Variants in MAGI1 observed in about 807,000 individuals in gnomAD.
The protein encoded by MAGI1 is membrane-associated guanylate kinase, WW and PDZ domain-containing protein 1.
MAGI1 carries 58 observed loss-of-function variants against 139.9 expected under a neutral mutation model. That is an observed-to-expected ratio of 0.41 (90% CI 0.34 to 0.52). The LOEUF (loss-of-function observed/expected upper bound fraction) is 0.52. Ranked by LOEUF, MAGI1 falls within the 20% of genes least tolerant of loss-of-function variation. The pLI is 0.12. For missense variants in MAGI1, 1,874 were observed against 1,901.6 expected (o/e 0.99, Z 0.27); for synonymous variants, 812 against 737.9 (o/e 1.10, Z -1.63).
intron 1 of MAGI1, among the ~76,000 whole-genome samples, chr3:65,859,328 T>C (rs1175326710): frequency 6.6e-6 from 1 of 151,634 alleles, no homozygotes; most frequent in African/African-American, 2.4e-5. Context: ...TGGGAGGCCA[T>C]TGTTTTAGCT....
chr3:65,401,728 A>C, intron 12 of MAGI1: 1 of 1,484,692 alleles, frequency 6.7e-7, no homozygotes. Flanking sequence ...GGCTGGGAAA[A>C]GAAATTCACA....
chr3:65,382,039 C>T lies in MAGI1; in HGVS notation c.2539G>A (p.Ala847Thr). The T allele has an allele frequency of 1.9e-6, 3 of 1,613,690 alleles. No homozygotes were observed. The highest frequency in any genetic ancestry group is 2.5e-6 in the Non-Finnish European group (3 of 1,179,840). The change falls in exon 16 of 23, where the codon GCT becomes ACT. Residue 847 changes from alanine (A) to threonine (T), a missense_variant. This residue lies in a region of MAGI1 where 482 missense variants were observed against 509.6 expected (regional missense o/e 0.95). Transcript: ENST00000402939. ...CTCAGGCGGCCGTCAGTATCAGCAG[C>T]ACCCAGTGGTACGATGTGACCAATA... is the stretch of plus-strand genomic sequence containing the variant. ...IYIGHIVPLG[A>T]ADTDGRLRSG... is the part of the protein sequence containing the mutation.
intron 2 of MAGI1, among the ~76,000 whole-genome samples, chr3:65,591,081 T>C (rs60043341): frequency 0.44 from 66,522 of 151,888 alleles, 15,020 homozygotes; most frequent in East Asian, 0.68. Context: ...TTCATCACCG[T>C]TTCCATCATT....
rs1002048117 is a variant in MAGI1 at position 65,776,810 on chromosome 3, G to C, written c.314-154722C>G. The stretch of plus-strand genomic sequence containing the variant: ...GTGATTTGTGTGATTCATGAACAAA[G>C]AGTCATTCGATCTCTTCCATCAGAC... On this transcript the variant is annotated intron_variant, in intron 1 of 22. Transcript: ENST00000402939. Among the ~76,000 whole-genome samples, 3 of 152,244 alleles carry C rather than the reference G, an allele frequency of 2.0e-5. No homozygotes were observed. The South Asian group carries it at 6.2e-4, about 32-fold the overall frequency.
intron 1 of MAGI1, among the ~76,000 whole-genome samples, chr3:65,757,496 G>A (rs2036657635): frequency 3.3e-5 from 5 of 152,060 alleles, no homozygotes. Context: ...AAATTAGCTG[G>A]GCACGGTGGT....
At chr3:65,588,259 G>C (rs2106714031) in intron 2 of MAGI1, among the ~76,000 whole-genome samples, 1 of 152,322 alleles carries the variant, frequency 6.6e-6, no homozygotes. Context: ...TTCAAGAATA[G>C]AGATAGCAGC....
At chr3:65,365,333 A>G (rs922299658) in intron 18 of MAGI1, 2 of 387,126 alleles carry the variant, frequency 5.2e-6, no homozygotes, top group African/African-American at 4.2e-5. Flanking sequence ...CTGATAATTA[A>G]TGTCTCTACC....
At chr3:65,986,870 ATTTTTT>A (rs57745762) in intron 1 of MAGI1, among the ~76,000 whole-genome samples, 1 of 137,460 alleles carries the variant, frequency 7.3e-6, no homozygotes. Context: ...TAAGGAAGGG[ATTTTTT>A]TTTTTTTTTT....
At chr3:65,865,504 G>A (rs969026159) in intron 1 of MAGI1, among the ~76,000 whole-genome samples, 3 of 152,192 alleles carry the variant, frequency 2.0e-5, no homozygotes, top group Admixed American at 1.3e-4. Context: ...ACTGAGATGG[G>A]AGGATCACTT....
At chr3:65,557,867 G>A (rs1354837261) in intron 2 of MAGI1, among the ~76,000 whole-genome samples, 2 of 152,110 alleles carry the variant, frequency 1.3e-5, no homozygotes, top group African/African-American at 4.8e-5. Flanking sequence ...AACATGTAAC[G>A]TGAGCCCTAA....
chr3:65,713,772 C>T (rs1484019952), intron 1 of MAGI1, among the ~76,000 whole-genome samples: 1 of 152,138 alleles, frequency 6.6e-6, no homozygotes, highest in South Asian at 2.1e-4. Context: ...ACTGAGAAAA[C>T]CCTGGGGTAC....
intron 1 of MAGI1, chr3:65,844,132 T>TC: frequency 3.8e-6 from 2 of 519,814 alleles, no homozygotes; most frequent in Non-Finnish European, 7.6e-6. Context: ...GGACACTGGG[T>TC]CGGTGGCCCA....
At position 65,776,819 on chromosome 3, in the gene MAGI1, G is replaced by C. The variant is rs538683072; in HGVS notation, c.314-154731C>G. The stretch of plus-strand genomic sequence containing the variant: ...GTGATTCATGAACAAAGAGTCATTC[G>C]ATCTCTTCCATCAGACTTTTCTGCA... On this transcript the variant is annotated intron_variant, in intron 1 of 22. Coordinates refer to ENST00000402939, the MANE Select transcript of MAGI1 (RefSeq NM_001033057.2). Among the ~76,000 whole-genome samples the C allele has an allele frequency of 8.5e-5, 13 of 152,142 alleles. 1 individual carries two copies. The South Asian group carries it at 1.7e-3, about 19-fold the overall frequency.
intron 1 of MAGI1, among the ~76,000 whole-genome samples, chr3:65,853,539 T>A (rs573949756): frequency 6.6e-6 from 1 of 152,124 alleles, no homozygotes; most frequent in Non-Finnish European, 1.5e-5. Context: ...TTGGAATGTA[T>A]CAAAACGTAT....
chr3:65,832,273 G>A (rs2042570887), intron 1 of MAGI1, among the ~76,000 whole-genome samples: 1 of 152,180 alleles, frequency 6.6e-6, no homozygotes, highest in African/African-American at 2.4e-5. Context: ...TGCAGTCTTT[G>A]TGCCTTATAA....
chr3:65,882,576 G>T (rs35062360), intron 1 of MAGI1, among the ~76,000 whole-genome samples: 2,857 of 152,092 alleles, frequency 0.019, 40 homozygotes, highest in Non-Finnish European at 0.03. Context: ...AAAGGAGGAG[G>T]CAAGAGAGAG....
intron 1 of MAGI1, among the ~76,000 whole-genome samples, chr3:65,790,934 G>C (rs2039720429): frequency 1.3e-5 from 2 of 152,224 alleles, no homozygotes; most frequent in East Asian, 3.9e-4. Context: ...AATTACCTGG[G>C]TGTGGTGGCA....
intron 1 of MAGI1, among the ~76,000 whole-genome samples, chr3:65,993,112 C>A (rs116568629): frequency 0.01 from 1,531 of 152,160 alleles, 8 homozygotes; most frequent in Non-Finnish European, 0.017. Context: ...ACTACATGCA[C>A]CTGGCTTCAT....
chr3:65,716,091 C>T (rs1375506417), intron 1 of MAGI1, among the ~76,000 whole-genome samples: 2 of 152,190 alleles, frequency 1.3e-5, no homozygotes, highest in Non-Finnish European at 2.9e-5. Context: ...TTAAACCATT[C>T]GAGCCCCCTC....
Sources: allele counts gnomAD v4.1 joint callset (sites outside exome capture counted in the v4.1 genomes callset), GRCh38; gene constraint gnomAD v4.1.1; regional missense constraint gnomAD v4.1.1; transcripts MANE v1.5; gene names NCBI Gene and HGNC (gene_info 2026-07-23, HGNC 2026-07-21).